Variants in KAT6A observed in about 807,000 individuals in gnomAD.
KAT6A encodes the protein lysine acetyltransferase 6A.
In KAT6A, 9 loss-of-function variants were observed where a neutral mutation model predicts 198.4. That is an observed-to-expected ratio of 0.05 (90% CI 0.03 to 0.08). The LOEUF (loss-of-function observed/expected upper bound fraction) is 0.08. KAT6A is among the 10% of genes least tolerant of loss of function. The pLI is 1.00. For synonymous variants in KAT6A, 890 were observed against 883.0 expected, an observed-to-expected ratio of 1.01 and a Z score of -0.14; for missense variants, 2,077 against 2,509.9, an observed-to-expected ratio of 0.83 and a Z score of 3.69.
intron 8 of KAT6A, chr8:41,957,051 G>A: frequency 1.7e-6 from 1 of 591,252 alleles, no homozygotes; most frequent in East Asian, 3.6e-5. Context: ...TCATGCACCT[G>A]CTGCGGCACT....
At chr8:41,992,244 G>C (rs1232541069) in intron 2 of KAT6A, among the ~76,000 whole-genome samples, 1 of 151,904 alleles carries the variant, frequency 6.6e-6, no homozygotes, top group Non-Finnish European at 1.5e-5. Context: ...CTGCAACTGA[G>C]AAATAGTTGA....
At chr8:41,973,767 T>A (rs1823917781) in intron 8 of KAT6A, among the ~76,000 whole-genome samples, 1 of 152,088 alleles carries the variant, frequency 6.6e-6, no homozygotes. Context: ...TTCACTTCTG[T>A]TCCTTCTGAT....
At chr8:41,968,443 T>C (rs1184089006) in intron 8 of KAT6A, among the ~76,000 whole-genome samples, 1 of 152,160 alleles carries the variant, frequency 6.6e-6, no homozygotes, top group Non-Finnish European at 1.5e-5. Flanking sequence ...TCACACCAGT[T>C]AGAATGGCAA....
At chr8:41,962,350 A>G (rs933181633) in intron 8 of KAT6A, among the ~76,000 whole-genome samples, 6 of 151,930 alleles carry the variant, frequency 3.9e-5, no homozygotes, top group South Asian at 2.1e-4. Flanking sequence ...TCCAAAATCA[A>G]ACTCCTAAAT....
chr8:41,954,107 T>C (rs1372204080), intron 9 of KAT6A, among the ~76,000 whole-genome samples: 4 of 152,186 alleles, frequency 2.6e-5, no homozygotes, highest in African/African-American at 9.7e-5. Context: ...CTTTTTCTTC[T>C]GTTTTTGTTA....
chr8:42,032,210 G>A (rs944083976), intron 2 of KAT6A, among the ~76,000 whole-genome samples: 1 of 152,086 alleles, frequency 6.6e-6, no homozygotes, highest in Non-Finnish European at 1.5e-5. Context: ...GCTTGATGTG[G>A]CTCAAGGAGT....
Position 41,941,458 on chromosome 8 carries a change from A to T in KAT6A, c.2437-14T>A, listed in dbSNP as rs1822131920. 1 of 1,570,026 alleles carries T rather than the reference A, an allele frequency of 6.4e-7. No individual in the cohort carries two copies. Among genetic ancestry groups the T allele is most frequent in the Non-Finnish European group, 8.6e-7 (1 of 1,165,428 alleles). ...AGACTTTCCCACCTGATTTTAGAAA[A>T]TAAAACAATGCTGGTTAATTTTTCA... On this transcript the variant is annotated splice_polypyrimidine_tract_variant and intron_variant, in intron 14 of 16. Coordinates refer to ENST00000265713, the MANE Select transcript of KAT6A (RefSeq NM_006766.5).
intron 8 of KAT6A, among the ~76,000 whole-genome samples, chr8:41,968,448 T>C (rs1014960950): frequency 2.6e-5 from 4 of 152,146 alleles, no homozygotes; most frequent in African/African-American, 7.2e-5. Context: ...CCAGTTAGAA[T>C]GGCAATCATT....
At chr8:41,989,049 A>G (rs1185311484) in intron 2 of KAT6A, among the ~76,000 whole-genome samples, 1 of 152,184 alleles carries the variant, frequency 6.6e-6, no homozygotes, top group Non-Finnish European at 1.5e-5. Context: ...ACAGGAGGAA[A>G]GTGGGGAAGG....
intron 2 of KAT6A, among the ~76,000 whole-genome samples, chr8:42,023,363 A>G (rs1231426322): frequency 3.9e-5 from 6 of 152,200 alleles, no homozygotes; most frequent in African/African-American, 1.2e-4. Context: ...TCTATCTTCA[A>G]TAATGTTAAC....
chr8:41,951,116 A>G (rs1822649918), intron 9 of KAT6A, among the ~76,000 whole-genome samples: 1 of 152,096 alleles, frequency 6.6e-6, no homozygotes, highest in South Asian at 2.1e-4. Context: ...CAGTAAATGA[A>G]GAGTTCATGC....
chr8:42,010,502 G>C (rs1825972703), intron 2 of KAT6A, among the ~76,000 whole-genome samples: 1 of 152,150 alleles, frequency 6.6e-6, no homozygotes, highest in African/African-American at 2.4e-5. Context: ...GCCTCAAAAA[G>C]ATTCAAGAAA....
intron 2 of KAT6A, among the ~76,000 whole-genome samples, chr8:42,041,367 C>T (rs1451738016): frequency 6.6e-6 from 1 of 152,158 alleles, no homozygotes; most frequent in Non-Finnish European, 1.5e-5. Flanking sequence ...TTGTTAGTAA[C>T]AAATTTTTAT....
Position 42,034,200 on chromosome 8 carries a change from AGTACAAT to A in KAT6A, c.600+14171_600+14177del, listed in dbSNP as rs1299463400. Among the ~76,000 whole-genome samples the A allele has an allele frequency of 2.0e-5, 3 of 152,358 alleles. No homozygotes were observed. In the East Asian group the frequency reaches 5.8e-4, roughly 29 times the overall value. ...TGAGGAACTGCAGGGAGACTGATGC[AGTACAAT>A]GGCTCTCGAACTCAAGCGTGCATCA... On this transcript the variant is annotated intron_variant, in intron 2 of 16. Coordinates refer to ENST00000265713, the MANE Select transcript of KAT6A (RefSeq NM_006766.5).
At chr8:42,013,067 C>A (rs1587824433) in intron 2 of KAT6A, among the ~76,000 whole-genome samples, 2 of 148,816 alleles carry the variant, frequency 1.3e-5, no homozygotes. Context: ...CTACAAAAGT[C>A]AAGTTTTTTT....
At chr8:42,051,613 G>A (rs1236505915) in intron 1 of KAT6A, among the ~76,000 whole-genome samples, 1 of 145,282 alleles carries the variant, frequency 6.9e-6, no homozygotes, top group Non-Finnish European at 1.5e-5. Flanking sequence ...GGCGGGATCG[G>A]GGGCGCGGGG....
In KAT6A at chr8:41,933,660, G is replaced by A. The variant is rs370577877; in HGVS notation, c.4560C>T (p.Ser1520=). 9.6e-5 allele frequency: 155 copies of A among 1,613,992 alleles called. No individual in the cohort carries two copies. The highest frequency in any genetic ancestry group is 1.2e-4 in the Non-Finnish European group (139 of 1,180,032). Residue 1520 remains serine (S), a synonymous_variant, in exon 17 of 17, where the codon TCC becomes TCT. Coordinates refer to ENST00000265713, the MANE Select transcript of KAT6A (RefSeq NM_006766.5). The surrounding 1 kb of genome is among the most constrained non-coding windows in gnomAD (Gnocchi z 6.2). ...TCTCCATGTTCTGCATAGAGGGTGC[G>A]GACAGGGATCCTTGTTCTGGGCTGA... ...TQISPEQGSL[S]APSMQNMETS...
chr8:41,979,976 A>G (rs1035619150), intron 5 of KAT6A, among the ~76,000 whole-genome samples: 4 of 152,134 alleles, frequency 2.6e-5, no homozygotes, highest in African/African-American at 9.7e-5. Context: ...GTGAGACTCC[A>G]TGGGTGAGGG....
At position 41,987,567 on chromosome 8, in the gene KAT6A, T is replaced by C. The variant is rs180757532; in HGVS notation, c.601-4A>G. The C allele has an allele frequency of 1.2e-5, 19 of 1,562,384 alleles. No individual in the cohort carries two copies. Among genetic ancestry groups the C allele is most frequent in the Non-Finnish European group, 5.3e-6 (6 of 1,134,318 alleles). Reference sequence around the variant, plus strand: ...TGGGGATTGGTTCAGCAACCGGCTGTGAAGAAAAACACAATTCATTCCAGT... The same window carrying C: ...TGGGGATTGGTTCAGCAACCGGCTGCGAAGAAAAACACAATTCATTCCAGT... On this transcript the variant is annotated splice_region_variant and splice_polypyrimidine_tract_variant and intron_variant, in intron 2 of 16. Transcript: ENST00000265713.
Sources: gnomAD v4.1 joint callset for allele counts (sites outside exome capture counted in the v4.1 genomes callset) on GRCh38, gnomAD v4.1.1 for gene constraint, Gnocchi (gnomAD v3.1) non-coding constraint, MANE v1.5 for transcripts, NCBI Gene and HGNC (gene_info 2026-07-23, HGNC 2026-07-21) for gene names.